COL14A1: variants seen among roughly 807,000 people sequenced by gnomAD.
COL14A1 encodes collagen alpha-1(XIV) chain.
Under a neutral mutation model 230.3 loss-of-function variants are expected in COL14A1, and 136 were observed. That is an observed-to-expected ratio of 0.59 (90% CI 0.51 to 0.68). COL14A1 has a LOEUF of 0.68. Among genes scored for constraint, COL14A1 ranks in the 30% least tolerant of loss-of-function variants. The probability of loss-of-function intolerance (pLI) is 0.00; values close to 1 mark genes in which losing one functional copy is unlikely to be tolerated. For synonymous variants in COL14A1, 792 were observed against 784.1 expected, an observed-to-expected ratio of 1.01 and a Z score of -0.17; for missense variants, 1,976 against 2,215.8, an observed-to-expected ratio of 0.89 and a Z score of 2.17.
chr8:120,326,237 T>C (rs975031255), intron 40 of COL14A1, among the ~76,000 whole-genome samples: 5 of 152,190 alleles, frequency 3.3e-5, no homozygotes, highest in African/African-American at 1.2e-4. Context: ...ATTCCACCTC[T>C]TCTGTGAAAA....
At chr8:120,323,244 T>C (rs1821523224) in intron 40 of COL14A1, among the ~76,000 whole-genome samples, 1 of 152,174 alleles carries the variant, frequency 6.6e-6, no homozygotes, top group Non-Finnish European at 1.5e-5. Flanking sequence ...TCATATCCTT[T>C]GCCTACTTTT....
chr8:120,252,298 T>C (rs980260843), intron 22 of COL14A1, among the ~76,000 whole-genome samples: 10 of 152,338 alleles, frequency 6.6e-5, no homozygotes, highest in African/African-American at 2.4e-4. Flanking sequence ...ACTGGAGCAC[T>C]GTATACTGTA....
chr8:120,251,266 T>G (rs1310917083), intron 22 of COL14A1, among the ~76,000 whole-genome samples: 1 of 152,186 alleles, frequency 6.6e-6, no homozygotes, highest in African/African-American at 2.4e-5. Context: ...CAAATAGACT[T>G]GATGATTGCA....
At chr8:120,255,464 AAG>A in intron 23 of COL14A1, 108 bp downstream of exon 23, 1 of 857,098 alleles carries the variant, frequency 1.2e-6, no homozygotes, top group South Asian at 1.5e-5. Flanking sequence ...CCCTCTTGTC[AAG>A]GAAGCAATTT....
At chr8:120,318,110 A>C (rs767589182) in intron 40 of COL14A1, among the ~76,000 whole-genome samples, 1 of 152,218 alleles carries the variant, frequency 6.6e-6, no homozygotes, top group Non-Finnish European at 1.5e-5. Context: ...ATAAAACATA[A>C]TGGTGCCCCT....
intron 46 of COL14A1, 142 bp downstream of exon 46, chr8:120,367,390 T>C (rs879634116): frequency 5.7e-6 from 4 of 703,012 alleles, no homozygotes; most frequent in Non-Finnish European, 9.5e-6. Context: ...GGGAGGCTTC[T>C]TTGTTAATAA....
chr8:120,298,597 T>TTACATATA (rs1820602227), intron 35 of COL14A1, among the ~76,000 whole-genome samples: 1 of 57,998 alleles, frequency 1.7e-5, no homozygotes, highest in Non-Finnish European at 3.1e-5. Context: ...CCCATATATT[T>TTACATATA]TATATATATA....
intron 25 of COL14A1, among the ~76,000 whole-genome samples, chr8:120,268,721 T>TA (rs963660315): frequency 1.4e-4 from 22 of 151,842 alleles, no homozygotes; most frequent in African/African-American, 5.1e-4. Flanking sequence ...AGAACAGCAT[T>TA]AAAAACACAG....
rs751845206 is a variant in COL14A1 at position 120,371,765 on chromosome 8, T to C, written c.*534T>C. On this transcript the variant is annotated 3_prime_UTR_variant, in exon 48 of 48. Coordinates refer to ENST00000297848, the MANE Select transcript of COL14A1 (RefSeq NM_021110.4). ...TGAGATCACTTGGTAACTGGTTTCA[T>C]GTGTATCCAAAAATCAGCATTTGGA... The C allele has an allele frequency of 7.6e-6, 3 of 395,070 alleles. No homozygotes were observed. Among genetic ancestry groups the C allele is most frequent in the Non-Finnish European group, 1.3e-5 (3 of 223,592 alleles). The allele number at this position is 395,070 out of a possible 1,614,324, so 24.5% of individuals were successfully genotyped here.
chr8:120,224,754 A>G (rs867668565), intron 14 of COL14A1, among the ~76,000 whole-genome samples: 3 of 152,220 alleles, frequency 2.0e-5, no homozygotes, highest in East Asian at 1.9e-4. Context: ...TGGGGCCAGG[A>G]GAGCCCACGC....
chr8:120,221,529 T>A (rs1234621745), intron 14 of COL14A1, among the ~76,000 whole-genome samples: 2 of 149,848 alleles, frequency 1.3e-5, no homozygotes, highest in Non-Finnish European at 2.9e-5. Context: ...TAATAAACAA[T>A]ATCCTTTTTA....
chr8:120,344,910 T>TA (rs1822445113), intron 44 of COL14A1, among the ~76,000 whole-genome samples: 1 of 152,106 alleles, frequency 6.6e-6, no homozygotes, highest in East Asian at 1.9e-4. Flanking sequence ...TAAAGGTTCC[T>TA]AAAAAAAGGC....
intron 31 of COL14A1, among the ~76,000 whole-genome samples, chr8:120,282,838 T>C (rs1014918184): frequency 2.0e-5 from 3 of 151,970 alleles, no homozygotes; most frequent in African/African-American, 7.3e-5. Context: ...ATGAGGGTGT[T>C]CCCTCATGGA....
chr8:120,154,137 T>A (rs1428296941), intron 2 of COL14A1, among the ~76,000 whole-genome samples: 3 of 152,196 alleles, frequency 2.0e-5, no homozygotes, highest in Non-Finnish European at 2.9e-5. Context: ...TAAACAAATG[T>A]GAATATTTTA....
At chr8:120,227,172 C>CTTTTTTTT in intron 16 of COL14A1, 48 bp from the exon 17 acceptor site, 1 of 1,592,096 alleles carries the variant, frequency 6.3e-7, no homozygotes, top group Admixed American at 1.7e-5. Flanking sequence ...TTTTTCTTTA[C>CTTTTTTTT]TTTTTTTTCA....
intron 5 of COL14A1, among the ~76,000 whole-genome samples, chr8:120,187,723 G>C (rs1399705275): frequency 6.6e-6 from 1 of 152,192 alleles, no homozygotes; most frequent in Non-Finnish European, 1.5e-5. Context: ...AAACATTCTA[G>C]ACAAATAATT....
At chr8:120,162,280 A>G in intron 3 of COL14A1, 146 bp from the exon 4 acceptor site, 1 of 574,974 alleles carries the variant, frequency 1.7e-6, no homozygotes, top group South Asian at 3.8e-5. Flanking sequence ...CACTCTAAAT[A>G]TATACACTTT....
At chr8:120,260,005 A>G (rs1819273864) in intron 23 of COL14A1, among the ~76,000 whole-genome samples, 1 of 152,194 alleles carries the variant, frequency 6.6e-6, no homozygotes, top group African/African-American at 2.4e-5. Flanking sequence ...TTCACATAAT[A>G]TATAATCTCA....
At chr8:120,279,451 T>C (rs1819967675) in intron 28 of COL14A1, among the ~76,000 whole-genome samples, 1 of 151,866 alleles carries the variant, frequency 6.6e-6, no homozygotes, top group Non-Finnish European at 1.5e-5. Flanking sequence ...AAGATTAAAT[T>C]ACATAAGTTA....
Sources: allele counts gnomAD v4.1 joint callset (sites outside exome capture counted in the v4.1 genomes callset), GRCh38; gene constraint gnomAD v4.1.1; transcripts MANE v1.5; gene names NCBI Gene and HGNC (gene_info 2026-07-23, HGNC 2026-07-21).